Variants in PLCB4 observed in about 807,000 individuals in gnomAD.
The protein encoded by PLCB4 is phospholipase C beta 4.
In PLCB4, 77 loss-of-function variants were observed where a neutral mutation model predicts 178.8. That is an observed-to-expected ratio of 0.43 (90% CI 0.36 to 0.52). The LOEUF is 0.52. Among genes scored for constraint, PLCB4 ranks in the 20% least tolerant of loss-of-function variants. PLCB4 has a pLI of 0.00. For missense variants in PLCB4, 1,024 were observed against 1,453.4 expected (o/e 0.70, Z 4.80); for synonymous variants, 496 against 490.8 (o/e 1.01, Z -0.14).
chr20:9,349,186 G>T (rs2034100725), intron 7 of PLCB4, among the ~76,000 whole-genome samples: 2 of 152,140 alleles, frequency 1.3e-5, no homozygotes, highest in South Asian at 4.2e-4. Flanking sequence ...GAACAATTCA[G>T]TGCCATTTAG....
At chr20:9,285,469 C>T (rs1435900925) in intron 3 of PLCB4, among the ~76,000 whole-genome samples, 1 of 151,898 alleles carries the variant, frequency 6.6e-6, no homozygotes, top group Non-Finnish European at 1.5e-5. Context: ...GTATAGTTCT[C>T]CTCATAGTAG....
At chr20:9,380,818 G>A (rs2037079305) in intron 13 of PLCB4, among the ~76,000 whole-genome samples, 1 of 152,168 alleles carries the variant, frequency 6.6e-6, no homozygotes, top group South Asian at 2.1e-4. Context: ...GGGGGTACCT[G>A]AGCTAGAGCC....
chr20:9,453,235 C>T, intron 32 of PLCB4, 112 bp from the exon 33 acceptor site: 1 of 659,354 alleles, frequency 1.5e-6, no homozygotes, highest in African/African-American at 1.8e-5. Flanking sequence ...TTTGGTTATT[C>T]CTTGACTTTC....
intron 3 of PLCB4, among the ~76,000 whole-genome samples, chr20:9,297,036 T>TTTATATTTA (rs2094644887): frequency 6.6e-6 from 1 of 151,950 alleles, no homozygotes; most frequent in Admixed American, 6.6e-5. Context: ...AAGATGACTT[T>TTTATATTTA]TACTCTGGAG....
intron 30 of PLCB4, among the ~76,000 whole-genome samples, chr20:9,438,283 G>C (rs923553286): frequency 6.6e-6 from 1 of 151,830 alleles, no homozygotes; most frequent in Admixed American, 6.6e-5. Context: ...GGAGAATGGC[G>C]TGAGCCCGGG....
At chr20:9,154,840 C>T (rs1228465656) in intron 2 of PLCB4, among the ~76,000 whole-genome samples, 1 of 142,408 alleles carries the variant, frequency 7.0e-6, no homozygotes, top group Non-Finnish European at 1.5e-5. Flanking sequence ...CCCTTCTTTC[C>T]TTCCTTTTTC....
At chr20:9,370,958 C>G (rs2036204261) in intron 9 of PLCB4, 1 of 390,324 alleles carries the variant, frequency 2.6e-6, no homozygotes, top group Non-Finnish European at 4.6e-6. Context: ...TGCCGCTTGC[C>G]CCTTGTTCTC....
intron 32 of PLCB4, among the ~76,000 whole-genome samples, chr20:9,452,050 G>C (rs900713321): frequency 4.6e-5 from 7 of 152,192 alleles, no homozygotes; most frequent in Admixed American, 2.0e-4. Context: ...CCCACTGTAA[G>C]TTCCTATGTT....
At chr20:9,357,438 G>A (rs1202322557) in intron 7 of PLCB4, among the ~76,000 whole-genome samples, 1 of 152,160 alleles carries the variant, frequency 6.6e-6, no homozygotes, top group Admixed American at 6.5e-5. Context: ...TCTTCCCAGG[G>A]CTATCACTAT....
At chr20:9,460,036 G>A (rs996626729) in intron 35 of PLCB4, among the ~76,000 whole-genome samples, 11 of 152,098 alleles carry the variant, frequency 7.2e-5, no homozygotes, top group African/African-American at 2.7e-4. Context: ...TGCTTTGAGA[G>A]GCCAAGACAG....
intron 2 of PLCB4, among the ~76,000 whole-genome samples, chr20:9,100,864 A>G (rs908393839): frequency 6.6e-6 from 1 of 152,112 alleles, no homozygotes; most frequent in African/African-American, 2.4e-5. Flanking sequence ...TGCACACAGC[A>G]GCTGTGTGAC....
intron 3 of PLCB4, among the ~76,000 whole-genome samples, chr20:9,255,647 T>C (rs2094226617): frequency 6.6e-6 from 1 of 152,006 alleles, no homozygotes; most frequent in Non-Finnish European, 1.5e-5. Context: ...TTTCACTCCA[T>C]AAATACCTAT....
At chr20:9,377,539 A>G (rs180847981) in intron 12 of PLCB4, among the ~76,000 whole-genome samples, 6 of 152,302 alleles carry the variant, frequency 3.9e-5, no homozygotes, top group Admixed American at 2.6e-4. Flanking sequence ...TTTTTGAAGC[A>G]TGAAGATTTT....
intron 2 of PLCB4, among the ~76,000 whole-genome samples, chr20:9,097,232 CTTTTTTTTTTTT>C (rs544568591): frequency 2.5e-5 from 2 of 81,076 alleles, no homozygotes; most frequent in Non-Finnish European, 4.9e-5. Flanking sequence ...ACAGCCTGGC[CTTTTTTTTTTTT>C]TTTTTTTTTG....
At chr20:9,387,128 C>A (rs1362027868) in intron 14 of PLCB4, among the ~76,000 whole-genome samples, 1 of 151,988 alleles carries the variant, frequency 6.6e-6, no homozygotes, top group Non-Finnish European at 1.5e-5. Flanking sequence ...AACTCCTGAC[C>A]TCAAGTGATC....
intron 4 of PLCB4, among the ~76,000 whole-genome samples, chr20:9,309,849 G>A (rs1490999897): frequency 2.0e-5 from 3 of 152,042 alleles, no homozygotes; most frequent in Non-Finnish European, 4.4e-5. Context: ...CTCATATTAG[G>A]AAATACTGAT....
intron 3 of PLCB4, among the ~76,000 whole-genome samples, chr20:9,237,784 C>T (rs2094009639): frequency 6.6e-6 from 1 of 152,214 alleles, no homozygotes; most frequent in African/African-American, 2.4e-5. Context: ...ATGACATTCT[C>T]AGAACCCAGA....
intron 2 of PLCB4, among the ~76,000 whole-genome samples, chr20:9,150,279 A>G (rs2092669856): frequency 6.6e-6 from 1 of 152,216 alleles, no homozygotes; most frequent in Non-Finnish European, 1.5e-5. Context: ...AGTTTCAGTT[A>G]GTGGACTTTA....
chr20:9,367,265 A>AT (rs1182485466), intron 9 of PLCB4, among the ~76,000 whole-genome samples: 13 of 152,116 alleles, frequency 8.5e-5, no homozygotes, highest in African/African-American at 1.7e-4. Context: ...ACCTTAGACA[A>AT]TTTTTTTTAA....
Sources: gnomAD v4.1 joint callset for allele counts (sites outside exome capture counted in the v4.1 genomes callset) on GRCh38, gnomAD v4.1.1 for gene constraint, MANE v1.5 for transcripts, NCBI Gene and HGNC (gene_info 2026-07-23, HGNC 2026-07-21) for gene names.